Variants in SORBS3 observed in about 807,000 individuals in gnomAD.
SORBS3 encodes the protein vinexin.
SORBS3 carries 69 observed loss-of-function variants against 98.0 expected under a neutral mutation model. That is an observed-to-expected ratio of 0.70 (90% CI 0.58 to 0.86). The LOEUF (loss-of-function observed/expected upper bound fraction) is 0.86, where lower values mean the gene tolerates loss of function less well. SORBS3 is among the 40% of genes least tolerant of loss of function. The probability of loss-of-function intolerance (pLI) is 0.00; values close to 1 mark genes in which losing one functional copy is unlikely to be tolerated. For synonymous variants in SORBS3, 394 were observed against 355.4 expected (o/e 1.11, Z -1.22); for missense variants, 954 against 908.5 (o/e 1.05, Z -0.64).
chr8:22,552,572 G>C (rs1840102977), intron 1 of SORBS3, among the ~76,000 whole-genome samples: 1 of 152,128 alleles, frequency 6.6e-6, no homozygotes, highest in Non-Finnish European at 1.5e-5. Context: ...GGGCACCAAG[G>C]GTAAGCAACC....
chr8:22,549,004 C>G (rs1230517301), upstream of SORBS3, among the ~76,000 whole-genome samples: 1 of 152,212 alleles, frequency 6.6e-6, no homozygotes, highest in Non-Finnish European at 1.5e-5. Flanking sequence ...TGGACAGACC[C>G]CTGTTGACGG....
chr8:22,559,882 C>T (rs1375475695), intron 5 of SORBS3, among the ~76,000 whole-genome samples: 2 of 151,938 alleles, frequency 1.3e-5, no homozygotes, highest in African/African-American at 4.8e-5. Flanking sequence ...GCCTGGCCAA[C>T]ATGGCGAAAC....
intron 5 of SORBS3, among the ~76,000 whole-genome samples, chr8:22,560,769 G>A (rs192207699): frequency 1.3e-5 from 2 of 152,234 alleles, no homozygotes. Flanking sequence ...AGTCAGAGGA[G>A]GGTGTGGGGT....
rs1051890479 is a variant in SORBS3, at chr8:22,569,090, C to T, written c.1306-58C>T. 8.6e-6 allele frequency: 13 copies of T among 1,511,134 alleles called. No homozygotes were observed. The African/African-American group carries it at 1.7e-4, about 20-fold the overall frequency. 93.6% of individuals were successfully genotyped at this position (1,511,134 alleles called of 1,614,324 possible). A position where few individuals can be genotyped will look rare whatever the true frequency, so the allele number is the denominator to read the frequency against. On this transcript the variant is annotated intron_variant, in intron 16 of 20. Coordinates refer to ENST00000240123, the MANE Select transcript of SORBS3 (RefSeq NM_005775.5). ...CTCTTTGCTGTCTCACAGGAACCCCCAGCCTGTGCTATGTTGATGCCCAGG... is the reference window on the plus strand; with the variant it reads ...CTCTTTGCTGTCTCACAGGAACCCCTAGCCTGTGCTATGTTGATGCCCAGG...
Position 22,574,845 on chromosome 8 carries a change from T to A in SORBS3, c.*117T>A. 1 of 996,790 alleles carries A rather than the reference T, an allele frequency of 1.0e-6. No individual in the cohort carries two copies. Among genetic ancestry groups the A allele is most frequent in the Non-Finnish European group, 1.6e-6 (1 of 626,628 alleles). 61.7% of individuals were successfully genotyped at this position (996,790 alleles called of 1,614,324 possible). A position where few individuals can be genotyped will look rare whatever the true frequency, so the allele number is the denominator to read the frequency against. ...CCCCAGGACCTGAGCTCCCAGCATC[T>A]GCAGACGACCCCCGCAGCCTTTCCC... On this transcript the variant is annotated 3_prime_UTR_variant, in exon 21 of 21. Coordinates refer to ENST00000240123, the MANE Select transcript of SORBS3 (RefSeq NM_005775.5).
At chr8:22,549,871 C>T (rs1840056601), upstream of SORBS3, 4 of 545,958 alleles carry the variant, frequency 7.3e-6, no homozygotes, top group Admixed American at 6.4e-5. Context: ...AGCTCTGCTG[C>T]ACCCTCTACA....
At chr8:22,553,808 C>T (rs1354235728) in intron 1 of SORBS3, among the ~76,000 whole-genome samples, 2 of 152,246 alleles carry the variant, frequency 1.3e-5, no homozygotes, top group East Asian at 3.8e-4. Context: ...TCCACCCACC[C>T]GGAGCCCTCT....
At chr8:22,563,527 C>T (rs1434234354) in intron 7 of SORBS3, among the ~76,000 whole-genome samples, 2 of 152,174 alleles carry the variant, frequency 1.3e-5, no homozygotes, top group Non-Finnish European at 2.9e-5. Flanking sequence ...GATCACTCAG[C>T]CACAGCACCC....
intron 4 of SORBS3, 99 bp from the exon 5 acceptor site, chr8:22,558,030 G>A (rs1279076260): frequency 7.2e-6 from 8 of 1,118,090 alleles, no homozygotes; most frequent in Non-Finnish European, 1.1e-5. Flanking sequence ...GGGGTTCAGG[G>A]ATGGCCAGAG....
upstream of SORBS3, among the ~76,000 whole-genome samples, chr8:22,551,525 CTGAG>C (rs1238734514): frequency 6.6e-6 from 1 of 152,132 alleles, no homozygotes; most frequent in East Asian, 1.9e-4. The surrounding 1 kb of genome is among the most constrained non-coding windows in gnomAD (Gnocchi z 5.8). Flanking sequence ...GCTGGAAACT[CTGAG>C]TGGCCCGTGT....
upstream of SORBS3, chr8:22,551,880 T>G: frequency 2.0e-6 from 2 of 985,010 alleles, no homozygotes; most frequent in Middle Eastern, 5.2e-4. This position sits in a 1 kb window ranked among gnomAD's most constrained non-coding sequence, Gnocchi z 5.8. Flanking sequence ...GCCCGGCCCG[T>G]CCTGACCCGG....
intron 20 of SORBS3, 122 bp from the exon 21 acceptor site, chr8:22,574,545 C>T (rs1474286512): frequency 2.2e-6 from 2 of 928,120 alleles, no homozygotes; most frequent in Non-Finnish European, 3.3e-6. Context: ...AATTCCCTCT[C>T]TGGGCTCCCC....
Position 22,551,995 on chromosome 8 carries a change from G to A in SORBS3, c.-83G>A. 1 of 985,304 alleles carries A rather than the reference G, an allele frequency of 1.0e-6. No individual in the cohort carries two copies. The highest frequency in any genetic ancestry group is 1.2e-6 in the Non-Finnish European group (1 of 829,916). The allele number at this position is 985,304 out of a possible 1,614,324, so 61.0% of individuals were successfully genotyped here. A position where few individuals can be genotyped will look rare whatever the true frequency, so the allele number is the denominator to read the frequency against. ...TGCTCCTGCGCTCCCGGGCGGCCTC[G>A]GGCCCAGCCACCTGCTCGCCGGGGA... On this transcript the variant is annotated 5_prime_UTR_variant, in exon 1 of 21. Transcript: ENST00000240123. The surrounding 1 kb of genome is among the most constrained non-coding windows in gnomAD (Gnocchi z 5.8).
chr8:22,570,899 T>G lies in SORBS3; in HGVS notation c.1432-11T>G, dbSNP rs769223596. 2.5e-6 allele frequency: 4 copies of G among 1,576,920 alleles called. No homozygotes were observed. The highest frequency in any genetic ancestry group is 2.3e-5 in the South Asian group (2 of 85,162). The stretch of plus-strand genomic sequence containing the variant: ...GGAAGGCCCCACAGACACTGACTTT[T>G]CCCCCCTCAGGGAGAGCACATCTGC... On this transcript the variant is annotated splice_polypyrimidine_tract_variant and intron_variant, in intron 17 of 20. Coordinates refer to ENST00000240123, the MANE Select transcript of SORBS3 (RefSeq NM_005775.5).
At chr8:22,565,375 C>T (rs1447354388) in intron 11 of SORBS3, 21 bp downstream of exon 11, 5 of 1,525,134 alleles carry the variant, frequency 3.3e-6, no homozygotes, top group Admixed American at 2.0e-5. Flanking sequence ...CCAGGGTTCA[C>T]CCGCGGGGCA....
Position 22,564,376 on chromosome 8 carries a change from G to T in SORBS3, c.762+7G>T. The T allele has an allele frequency of 6.2e-7, 1 of 1,614,012 alleles. No individual in the cohort carries two copies. Among genetic ancestry groups the T allele is most frequent in the South Asian group, 1.1e-5 (1 of 91,088 alleles). On this transcript the variant is annotated splice_region_variant and intron_variant, in intron 9 of 20. Coordinates refer to ENST00000240123, the MANE Select transcript of SORBS3 (RefSeq NM_005775.5). The stretch of plus-strand genomic sequence containing the variant: ...ACTAGAGACTGGGCAGAGGGTGAGT[G>T]CTGGCTGGCTCTCGGGGTGTGCACG...
At chr8:22,555,115 T>C (rs1840160858) in intron 3 of SORBS3, 135 bp downstream of exon 3, 2 of 741,486 alleles carry the variant, frequency 2.7e-6, no homozygotes, top group Admixed American at 2.4e-5. Context: ...CTCAGAGGCC[T>C]CTGGGCTCAC....
At position 22,554,742 on chromosome 8, in the gene SORBS3, T is replaced by G; in HGVS notation, c.103-121T>G. 7.3e-7 allele frequency: 1 copy of G among 1,368,970 alleles called. No homozygotes were observed. The highest frequency in any genetic ancestry group is 9.9e-7 in the Non-Finnish European group (1 of 1,006,324). 84.8% of individuals were successfully genotyped at this position (1,368,970 alleles called of 1,614,324 possible). On this transcript the variant is annotated intron_variant, in intron 2 of 20. Coordinates refer to ENST00000240123, the MANE Select transcript of SORBS3 (RefSeq NM_005775.5). This position sits in a 1 kb window ranked among gnomAD's most constrained non-coding sequence, Gnocchi z 6.5. ...AGAGCTCTGGGGGGCCTCGCTGGTT[T>G]CCCACAAAATCGTCAGGCGGGCCTG... is the stretch of plus-strand genomic sequence containing the variant.
chr8:22,568,863 A>G (rs1017503740), intron 16 of SORBS3, among the ~76,000 whole-genome samples: 1 of 152,152 alleles, frequency 6.6e-6, no homozygotes, highest in Non-Finnish European at 1.5e-5. Flanking sequence ...CTCTAATTGG[A>G]CTGGCTTCCA....
Sources: gnomAD v4.1 joint callset for allele counts (sites outside exome capture counted in the v4.1 genomes callset) on GRCh38, gnomAD v4.1.1 for gene constraint, Gnocchi (gnomAD v3.1) non-coding constraint, MANE v1.5 for transcripts, NCBI Gene and HGNC (gene_info 2026-07-23, HGNC 2026-07-21) for gene names.